CDH10: variants seen among roughly 807,000 people sequenced by gnomAD.
CDH10 encodes cadherin-10.
A neutral mutation model predicts 73.1 loss-of-function variants in CDH10; 30 were observed. The ratio of observed to expected loss-of-function variants is 0.41; its 90% CI spans 0.31 to 0.56. CDH10 has a LOEUF of 0.56. Ranked by LOEUF, CDH10 falls within the 20% of genes least tolerant of loss-of-function variation. The probability of loss-of-function intolerance (pLI) is 0.27; values close to 1 mark genes in which losing one functional copy is unlikely to be tolerated. For synonymous variants in CDH10, 345 were observed against 348.2 expected, an observed-to-expected ratio of 0.99 and a Z score of 0.10; for missense variants, 815 against 973.7, an observed-to-expected ratio of 0.84 and a Z score of 2.17.
chr5:24,538,257 G>A (rs1212738109), intron 2 of CDH10, among the ~76,000 whole-genome samples: 2 of 152,060 alleles, frequency 1.3e-5, no homozygotes, highest in Non-Finnish European at 2.9e-5. Context: ...AGAGCAGATA[G>A]ATATCTACAT....
intron 5 of CDH10, among the ~76,000 whole-genome samples, chr5:24,516,324 A>AT (rs1385091786): frequency 1.1e-4 from 17 of 151,954 alleles, no homozygotes; most frequent in Admixed American, 3.9e-4. Flanking sequence ...TTAAGTTACC[A>AT]TTTTTTTCAT....
Position 24,554,104 on chromosome 5 carries a change from A to AT in CDH10, c.232-16431_232-16430insA, listed in dbSNP as rs1744666405. On this transcript the variant is annotated intron_variant, in intron 2 of 11. Transcript: ENST00000264463. ...GAGAGACAGAGAGAGAGAGAAGGGG[A>AT]GGTGGGCGGGGGGGGGAGAGAGAGA... The AT allele has an allele frequency of 4.4e-4, 17 of 38,614 alleles. 1 individual carries two copies. Among genetic ancestry groups the AT allele is most frequent in the South Asian group, 1.3e-3 (1 of 758 alleles). 2.4% of individuals were successfully genotyped at this position (38,614 alleles called of 1,614,324 possible).
intron 2 of CDH10, among the ~76,000 whole-genome samples, chr5:24,550,109 G>A (rs1744491219): frequency 6.6e-6 from 1 of 152,068 alleles, no homozygotes; most frequent in African/African-American, 2.4e-5. Flanking sequence ...AATAATTGCT[G>A]AATATACAAA....
intron 2 of CDH10, among the ~76,000 whole-genome samples, chr5:24,544,304 C>T (rs779322750): frequency 1.3e-5 from 2 of 151,736 alleles, no homozygotes; most frequent in Non-Finnish European, 2.9e-5. Flanking sequence ...GCAACAACAA[C>T]AAAAATGGAA....
chr5:24,609,171 G>C (rs1746859720), intron 1 of CDH10, among the ~76,000 whole-genome samples: 2 of 152,182 alleles, frequency 1.3e-5, no homozygotes, highest in Non-Finnish European at 2.9e-5. Context: ...CCACTGGGAA[G>C]GGGGAAACCA....
chr5:24,640,138 A>T (rs1323160698), intron 1 of CDH10, among the ~76,000 whole-genome samples: 1 of 151,886 alleles, frequency 6.6e-6, no homozygotes, highest in African/African-American at 2.4e-5. Context: ...TACTGGCCAT[A>T]AAAATCACAA....
chr5:24,492,019 A>T (rs1186048984), intron 10 of CDH10, among the ~76,000 whole-genome samples, 192 bp from the exon 11 acceptor site: 1 of 152,222 alleles, frequency 6.6e-6, no homozygotes, highest in African/African-American at 2.4e-5. Context: ...AATATACTAT[A>T]AATTGTTCAT....
chr5:24,535,624 C>T, intron 4 of CDH10, 79 bp downstream of exon 4: 1 of 1,302,452 alleles, frequency 7.7e-7, no homozygotes, highest in Non-Finnish European at 1.1e-6. Flanking sequence ...AGGTTTTGTT[C>T]TTATTCTCCC....
intron 9 of CDH10, among the ~76,000 whole-genome samples, chr5:24,493,843 G>A (rs79795907): frequency 2.6e-5 from 4 of 151,992 alleles, no homozygotes; most frequent in South Asian, 2.1e-4. Flanking sequence ...TTGTGTGGAT[G>A]CTGGATGAAA....
intron 1 of CDH10, among the ~76,000 whole-genome samples, chr5:24,595,272 T>G (rs1364252329): frequency 6.6e-6 from 1 of 151,950 alleles, no homozygotes; most frequent in East Asian, 1.9e-4. Context: ...GCTTTTACAT[T>G]TATGCTTACA....
chr5:24,490,225 A>G (rs139530417), intron 11 of CDH10, among the ~76,000 whole-genome samples: 97 of 152,226 alleles, frequency 6.4e-4, no homozygotes, highest in African/African-American at 2.3e-3. Flanking sequence ...AAATATTTAT[A>G]TTATTCATAT....
chr5:24,569,309 T>C (rs754618654), intron 2 of CDH10, among the ~76,000 whole-genome samples: 2 of 152,130 alleles, frequency 1.3e-5, no homozygotes, highest in African/African-American at 2.4e-5. Flanking sequence ...ATATTCTAGA[T>C]AGTAATGATG....
chr5:24,539,617 T>C (rs1744079488), intron 2 of CDH10, among the ~76,000 whole-genome samples: 1 of 152,024 alleles, frequency 6.6e-6, no homozygotes, highest in African/African-American at 2.4e-5. Context: ...GCATATACTT[T>C]GGAGAAAAAG....
At chr5:24,552,986 A>G (rs115424602) in intron 2 of CDH10, among the ~76,000 whole-genome samples, 1,623 of 89,694 alleles carry the variant, frequency 0.018, 25 homozygotes, top group African/African-American at 0.059. Flanking sequence ...GGCCTCTCCA[A>G]TCTCCCATGT....
chr5:24,555,886 A>G (rs1015260293), intron 2 of CDH10, among the ~76,000 whole-genome samples: 9 of 151,606 alleles, frequency 5.9e-5, no homozygotes, highest in African/African-American at 2.2e-4. Context: ...TGAAAAAAAC[A>G]TGAAGACAAT....
At chr5:24,503,767 T>G (rs1054502419) in intron 8 of CDH10, among the ~76,000 whole-genome samples, 2 of 152,186 alleles carry the variant, frequency 1.3e-5, no homozygotes, top group Non-Finnish European at 2.9e-5. Flanking sequence ...CTCTGTTAAA[T>G]GAGGTTAATA....
At chr5:24,488,189 T>C (rs747903579) in intron 11 of CDH10, 36 bp from the exon 12 acceptor site, 5 of 1,519,302 alleles carry the variant, frequency 3.3e-6, no homozygotes, top group Non-Finnish European at 4.5e-6. Flanking sequence ...TAGACGTCCG[T>C]TCAAAACACT....
chr5:24,639,512 G>C (rs1747975058), intron 1 of CDH10, among the ~76,000 whole-genome samples: 1 of 151,604 alleles, frequency 6.6e-6, no homozygotes, highest in Non-Finnish European at 1.5e-5. Context: ...ACTCAAGGTA[G>C]AATATTTAAT....
chr5:24,494,687 A>T (rs1440413547), intron 9 of CDH10, among the ~76,000 whole-genome samples: 6 of 152,056 alleles, frequency 3.9e-5, no homozygotes, highest in Non-Finnish European at 8.8e-5. Context: ...ACATCTTTAC[A>T]TATATCTATA....
Sources: allele counts gnomAD v4.1 joint callset (sites outside exome capture counted in the v4.1 genomes callset), GRCh38; gene constraint gnomAD v4.1.1; transcripts MANE v1.5; gene names NCBI Gene and HGNC (gene_info 2026-07-23, HGNC 2026-07-21).